ODR4: variants seen among roughly 807,000 people sequenced by gnomAD.
ODR4 encodes the protein odr-4 GPCR localization factor homolog.
ODR4 carries 47 observed loss-of-function variants against 60.2 expected under a neutral mutation model. The ratio of observed to expected loss-of-function variants is 0.78; its 90% CI spans 0.62 to 1.00. The LOEUF (loss-of-function observed/expected upper bound fraction) is 1.00. ODR4 is among the 50% of genes least tolerant of loss of function. The pLI is 0.00. For synonymous variants in ODR4, 178 were observed against 175.5 expected (o/e 1.01, Z -0.11); for missense variants, 488 against 530.8 (o/e 0.92, Z 0.79).
intron 2 of ODR4, among the ~76,000 whole-genome samples, chr1:186,382,090 G>A (rs749479341): frequency 6.6e-6 from 1 of 151,782 alleles, no homozygotes; most frequent in African/African-American, 2.4e-5. Context: ...CCCAACTTTG[G>A]TTACTACTTA....
intron 12 of ODR4, among the ~76,000 whole-genome samples, chr1:186,413,293 A>G (rs1474277027): frequency 3.9e-5 from 6 of 152,100 alleles, no homozygotes; most frequent in African/African-American, 1.2e-4. Flanking sequence ...TGAAAAAAAA[A>G]ATCATTTCAG....
chr1:186,391,260 T>C (rs1660457868), intron 7 of ODR4, among the ~76,000 whole-genome samples: 1 of 152,028 alleles, frequency 6.6e-6, no homozygotes, highest in Non-Finnish European at 1.5e-5. Flanking sequence ...GTCTTCCTTT[T>C]TCCAGTTCTT....
chr1:186,414,248 A>G (rs928481244), intron 12 of ODR4, among the ~76,000 whole-genome samples: 13 of 152,180 alleles, frequency 8.5e-5, no homozygotes, highest in Non-Finnish European at 1.9e-4. Flanking sequence ...TGACAGATTT[A>G]AAAATGGAAA....
intron 2 of ODR4, among the ~76,000 whole-genome samples, chr1:186,381,562 C>T (rs1660028397): frequency 6.6e-6 from 1 of 152,086 alleles, no homozygotes; most frequent in Admixed American, 6.5e-5. Flanking sequence ...CTCCTGATCT[C>T]GTGATCCGCC....
intron 3 of ODR4, among the ~76,000 whole-genome samples, chr1:186,384,526 A>G (rs1011968703): frequency 5.3e-5 from 8 of 150,480 alleles, no homozygotes; most frequent in African/African-American, 1.7e-4. Flanking sequence ...TTTGTAAATA[A>G]CTTTCTACTC....
intron 1 of ODR4, among the ~76,000 whole-genome samples, 169 bp downstream of exon 1, chr1:186,376,143 G>C (rs1157950394): frequency 6.6e-6 from 1 of 152,108 alleles, no homozygotes; most frequent in Non-Finnish European, 1.5e-5. Flanking sequence ...TTTTGGTGGT[G>C]GGGAGGTGGC....
chr1:186,423,868 A>G (rs1271544759), downstream of ODR4, among the ~76,000 whole-genome samples: 9 of 152,312 alleles, frequency 5.9e-5, no homozygotes, highest in South Asian at 1.4e-3. Flanking sequence ...GTGATTGGCT[A>G]ATTAAAACCA....
At chr1:186,389,380 A>G (rs572859524) in intron 5 of ODR4, among the ~76,000 whole-genome samples, 1 of 152,288 alleles carries the variant, frequency 6.6e-6, no homozygotes, top group South Asian at 2.1e-4. Context: ...CGCAAGTACT[A>G]TAGTGATAGC....
At chr1:186,423,241 TTG>T (rs923291381), downstream of ODR4, among the ~76,000 whole-genome samples, 1 of 152,062 alleles carries the variant, frequency 6.6e-6, no homozygotes, top group Admixed American at 6.6e-5. Flanking sequence ...TGCCAGCATA[TTG>T]TGTGAGGTTG....
At chr1:186,393,211 G>A (rs942927217) in intron 8 of ODR4, among the ~76,000 whole-genome samples, 7 of 152,086 alleles carry the variant, frequency 4.6e-5, no homozygotes, top group African/African-American at 7.2e-5. Flanking sequence ...GAAATAATCC[G>A]TATATCAAAC....
chr1:186,399,808 C>G (rs3012003), intron 11 of ODR4, among the ~76,000 whole-genome samples: 151,954 of 152,072 alleles, frequency 1, 75,918 homozygotes, highest in Middle Eastern at 1. Flanking sequence ...GACTTCATTA[C>G]GTTTAAAAAA....
At chr1:186,426,948 A>G in the ODR4 span, among the ~76,000 whole-genome samples, 2 of 152,182 alleles carry the variant, frequency 1.3e-5, no homozygotes, top group African/African-American at 4.8e-5. Flanking sequence ...CAATGTATAT[A>G]CCTTAATTTA....
Position 186,417,667 on chromosome 1 carries a change from ACTT to A in ODR4, c.1297+17_1297+19del. 7.5e-7 allele frequency: 1 copy of A among 1,327,898 alleles called. No homozygotes were observed. The highest frequency in any genetic ancestry group is 1.1e-6 in the Non-Finnish European group (1 of 941,702). The allele number at this position is 1,327,898 out of a possible 1,614,324, so 82.3% of individuals were successfully genotyped here. The stretch of plus-strand genomic sequence containing the variant: ...CAGCAAAACATAGGTATTTAATTTT[ACTT>A]CTTTTATAACACTGAAAACATATTT... On this transcript the variant is annotated intron_variant, in intron 13 of 13. Coordinates refer to ENST00000287859, the MANE Select transcript of ODR4 (RefSeq NM_017847.6).
rs183243524 is a variant in ODR4 at position 186,383,219 on chromosome 1, G to C, written c.234+63G>C. 1.8e-3 allele frequency: 2,673 copies of C among 1,482,018 alleles called. 61 individuals carry two copies. In the South Asian group the frequency reaches 0.029, roughly 16 times the overall value. The allele number at this position is 1,482,018 out of a possible 1,614,324, so 91.8% of individuals were successfully genotyped here. On this transcript the variant is annotated intron_variant, in intron 3 of 13. Coordinates refer to ENST00000287859, the MANE Select transcript of ODR4 (RefSeq NM_017847.6). ...TTCAAAAAAGAGCTAGAATCAAGAA[G>C]ATTTAGTGAATGAGTAGAGAGAAGA...
chr1:186,430,479 A>G, the ODR4 span, among the ~76,000 whole-genome samples: 1 of 152,094 alleles, frequency 6.6e-6, no homozygotes, highest in Non-Finnish European at 1.5e-5. Flanking sequence ...CTTAGATTCT[A>G]TTTTAGGCAA....
intron 12 of ODR4, among the ~76,000 whole-genome samples, chr1:186,412,382 G>A (rs7339966): frequency 1.2e-4 from 18 of 152,168 alleles, no homozygotes; most frequent in African/African-American, 3.4e-4. Flanking sequence ...ATTTGAGTTC[G>A]TTTTGAAGGA....
rs191712092 is a variant in ODR4, at chr1:186,383,928, A to G, written c.234+772A>G. On this transcript the variant is annotated intron_variant, in intron 3 of 13. Transcript: ENST00000287859. Reference sequence around the variant, plus strand: ...GTGGCAGGTGCCTGTAATCCCAGCTACTTGGGAGGCTGAGGCAGGAGAATT... The same window carrying G: ...GTGGCAGGTGCCTGTAATCCCAGCTGCTTGGGAGGCTGAGGCAGGAGAATT... 6.0e-3 allele frequency among the ~76,000 whole-genome samples: 918 copies of G among 152,204 alleles called. 13 individuals are homozygous for G. The highest frequency in any genetic ancestry group is 0.021 in the African/African-American group (889 of 41,534).
At chr1:186,400,360 T>A (rs192491837) in intron 11 of ODR4, among the ~76,000 whole-genome samples, 15 of 151,564 alleles carry the variant, frequency 9.9e-5, no homozygotes, top group African/African-American at 3.6e-4. Flanking sequence ...ATTGAAACAT[T>A]CATATTAGCT....
rs1317398398 is a variant in ODR4, at chr1:186,398,940, G to T, written c.910-14G>T. ...TTATTTCTTACTGTGTTTTTTGTGT[G>T]TTTTTCCCTGTAGGCAGTAAAGAGG... On this transcript the variant is annotated splice_polypyrimidine_tract_variant and intron_variant, in intron 10 of 13. Transcript: ENST00000287859. 2.6e-6 allele frequency: 4 copies of T among 1,568,532 alleles called. No individual in the cohort carries two copies. The highest frequency in any genetic ancestry group is 3.8e-5 in the Admixed American group (2 of 52,790).
Sources: allele counts gnomAD v4.1 joint callset (sites outside exome capture counted in the v4.1 genomes callset), GRCh38; gene constraint gnomAD v4.1.1; transcripts MANE v1.5; gene names NCBI Gene and HGNC (gene_info 2026-07-23, HGNC 2026-07-21).